The following CORO2A variants were observed in gnomAD, a reference collection of about 807,000 sequenced individuals.
CORO2A encodes the protein coronin-2A.
In CORO2A, 47 loss-of-function variants were observed where a neutral mutation model predicts 62.4. The observed-to-expected ratio is 0.75, with a 90% CI of 0.60 to 0.96. The LOEUF is 0.96. CORO2A is among the 40% of genes least tolerant of loss of function. The probability of loss-of-function intolerance (pLI) is 0.00; values close to 1 mark genes in which losing one functional copy is unlikely to be tolerated. For missense variants in CORO2A, 610 were observed against 684.1 expected (o/e 0.89, Z 1.21); for synonymous variants, 273 against 268.9 (o/e 1.02, Z -0.15).
intron 1 of CORO2A, among the ~76,000 whole-genome samples, chr9:98,171,898 T>C (rs1451460029): frequency 3.3e-5 from 5 of 152,012 alleles, no homozygotes; most frequent in African/African-American, 1.2e-4. Flanking sequence ...GGGTGTGACA[T>C]GGTCAGAGCC....
intron 2 of CORO2A, among the ~76,000 whole-genome samples, chr9:98,145,909 G>C (rs1827638544): frequency 6.6e-6 from 1 of 152,144 alleles, no homozygotes; most frequent in African/African-American, 2.4e-5. Context: ...ACAGGGTTTT[G>C]GTATGTTGGC....
Position 98,163,556 on chromosome 9 carries a change from T to G in CORO2A, c.1-5896A>C, listed in dbSNP as rs370491990. On this transcript the variant is annotated intron_variant, in intron 1 of 11. Coordinates refer to ENST00000375077, the MANE Select transcript of CORO2A (RefSeq NM_052820.4). Reference sequence around the variant, plus strand: ...CCTGCAAGGTAGGTGGGGATTATTTTCCCCCATTTGATGATGGGAAAACTG... The same window carrying G: ...CCTGCAAGGTAGGTGGGGATTATTTGCCCCCATTTGATGATGGGAAAACTG... Among the ~76,000 whole-genome samples the G allele has an allele frequency of 5.1e-4, 77 of 152,186 alleles. No homozygotes were observed. In the South Asian group the frequency reaches 0.014, roughly 27 times the overall value.
intron 10 of CORO2A, among the ~76,000 whole-genome samples, chr9:98,127,769 G>C (rs1047621629): frequency 7.8e-6 from 1 of 127,462 alleles, no homozygotes; most frequent in African/African-American, 3.0e-5. Context: ...AGTGAGCTGA[G>C]ATTGTACCAC....
chr9:98,174,303 T>C (rs1483606687), intron 1 of CORO2A, among the ~76,000 whole-genome samples: 7 of 152,160 alleles, frequency 4.6e-5, no homozygotes, highest in African/African-American at 1.2e-4. Flanking sequence ...ACCTACCTTA[T>C]AGAGGAGATG....
intron 2 of CORO2A, among the ~76,000 whole-genome samples, chr9:98,138,510 T>A (rs989642994): frequency 2.0e-5 from 3 of 151,968 alleles, no homozygotes; most frequent in African/African-American, 7.3e-5. Flanking sequence ...AAGTGAAGAA[T>A]GGACATACAA....
chr9:98,189,001 G>T (rs1473095790), intron 1 of CORO2A, among the ~76,000 whole-genome samples: 1 of 152,124 alleles, frequency 6.6e-6, no homozygotes, highest in Non-Finnish European at 1.5e-5. Flanking sequence ...CCTCCTCCTT[G>T]ACTTCTGCAA....
chr9:98,139,013 C>T (rs1211319829), intron 2 of CORO2A, among the ~76,000 whole-genome samples: 1 of 145,318 alleles, frequency 6.9e-6, no homozygotes, highest in Non-Finnish European at 1.5e-5. Flanking sequence ...TGCCACTGCA[C>T]TACAGCCTGG....
intron 4 of CORO2A, among the ~76,000 whole-genome samples, chr9:98,134,193 G>C (rs1296865196): frequency 6.6e-6 from 1 of 152,216 alleles, no homozygotes; most frequent in Non-Finnish European, 1.5e-5. Flanking sequence ...GAGGCCTAGA[G>C]AAGTCAAGGC....
chr9:98,130,142 A>G (rs919023554), intron 7 of CORO2A, among the ~76,000 whole-genome samples: 13 of 152,194 alleles, frequency 8.5e-5, no homozygotes, highest in African/African-American at 3.1e-4. Flanking sequence ...GCTGGAGAGC[A>G]GTAGTGCAAT....
intron 1 of CORO2A, among the ~76,000 whole-genome samples, chr9:98,185,100 C>T (rs2118940896): frequency 6.6e-6 from 1 of 152,272 alleles, no homozygotes; most frequent in East Asian, 1.9e-4. Flanking sequence ...CATAGTCTGG[C>T]CGTCTCCAAA....
chr9:98,126,793 G>C lies in CORO2A; in HGVS notation c.1202C>G (p.Ser401Cys). The change falls in exon 11 of 12, where the codon TCT becomes TGT. Residue 401 changes from serine (S) to cysteine (C), a missense_variant. Coordinates refer to ENST00000375077, the MANE Select transcript of CORO2A (RefSeq NM_052820.4). ...DPILVSLRPG[S>C]ELLRPHPLPA... ...CAGTGGGTGGGGTCTCAGCAGCTCA[G>C]AGCCAGGCCTAAGGGACACCAGGAT... 1.2e-6 allele frequency: 2 copies of C among 1,614,178 alleles called. No individual in the cohort carries two copies. Among genetic ancestry groups the C allele is most frequent in the Non-Finnish European group, 1.7e-6 (2 of 1,180,046 alleles).
At chr9:98,180,217 C>T (rs16913581) in intron 1 of CORO2A, among the ~76,000 whole-genome samples, 8,637 of 152,164 alleles carry the variant, frequency 0.057, 385 homozygotes, top group Admixed American at 0.13. Flanking sequence ...CCAGACCCTA[C>T]GTTCATCGCA....
At chr9:98,192,291 G>T (rs1445714241) in intron 1 of CORO2A, among the ~76,000 whole-genome samples, 1 of 152,232 alleles carries the variant, frequency 6.6e-6, no homozygotes, top group South Asian at 2.1e-4. Flanking sequence ...GCGAGCCGTC[G>T]GGAGCCCGGA....
At chr9:98,192,065 G>A (rs1828311595) in intron 1 of CORO2A, among the ~76,000 whole-genome samples, 1 of 152,202 alleles carries the variant, frequency 6.6e-6, no homozygotes, top group Admixed American at 6.5e-5. Flanking sequence ...CCGGCTTGGC[G>A]GGGACCCGGG....
intron 10 of CORO2A, among the ~76,000 whole-genome samples, chr9:98,127,452 G>A (rs11788080): frequency 6.6e-6 from 1 of 152,138 alleles, no homozygotes; most frequent in Non-Finnish European, 1.5e-5. Context: ...GAGTGGCTCA[G>A]GACAGGCAGA....
intron 4 of CORO2A, among the ~76,000 whole-genome samples, chr9:98,134,244 A>G (rs1827452703): frequency 6.6e-6 from 1 of 152,190 alleles, no homozygotes; most frequent in African/African-American, 2.4e-5. Context: ...CTGAGTCGGA[A>G]TAGAATTGAG....
intron 4 of CORO2A, among the ~76,000 whole-genome samples, 175 bp downstream of exon 4, chr9:98,134,631 A>T (rs1827458653): frequency 6.6e-6 from 1 of 151,912 alleles, no homozygotes; most frequent in South Asian, 2.1e-4. Context: ...GAGCCACCAG[A>T]AGCTGGGAGA....
At chr9:98,155,833 G>A (rs1285431025) in intron 2 of CORO2A, among the ~76,000 whole-genome samples, 1 of 152,064 alleles carries the variant, frequency 6.6e-6, no homozygotes, top group Non-Finnish European at 1.5e-5. Flanking sequence ...GCTCTGCTGT[G>A]ATATTGTTTT....
At chr9:98,126,197 G>A (rs574385574) in intron 11 of CORO2A, among the ~76,000 whole-genome samples, 14 of 151,598 alleles carry the variant, frequency 9.2e-5, no homozygotes, top group Admixed American at 7.2e-4. Flanking sequence ...CACCACACCC[G>A]GCTAATTTTT....
Sources: gnomAD v4.1 joint callset for allele counts (sites outside exome capture counted in the v4.1 genomes callset) on GRCh38, gnomAD v4.1.1 for gene constraint, MANE v1.5 for transcripts, NCBI Gene and HGNC (gene_info 2026-07-23, HGNC 2026-07-21) for gene names.